The following NPAS3 variants were observed in gnomAD, a reference collection of about 807,000 sequenced individuals.
NPAS3 encodes the protein neuronal PAS domain-containing protein 3.
Under a neutral mutation model 73.1 loss-of-function variants are expected in NPAS3, and 14 were observed. The ratio of observed to expected loss-of-function variants is 0.19; its 90% confidence interval spans 0.13 to 0.30. The LOEUF is 0.30. Among genes scored for constraint, NPAS3 ranks in the 10% least tolerant of loss-of-function variants. NPAS3 has a pLI of 1.00. For synonymous variants in NPAS3, 620 were observed against 541.5 expected (o/e 1.14, Z -2.01); for missense variants, 1,096 against 1,250.0 (o/e 0.88, Z 1.86).
chr14:32,953,305 C>A (rs561248203), intron 1 of NPAS3, among the ~76,000 whole-genome samples: 1 of 152,064 alleles, frequency 6.6e-6, no homozygotes, highest in Non-Finnish European at 1.5e-5. Context: ...ACCCTTTCCC[C>A]CTCCTGCAAC....
intron 9 of NPAS3, among the ~76,000 whole-genome samples, chr14:33,790,594 A>G (rs756313600): frequency 4.6e-5 from 7 of 151,818 alleles, no homozygotes; most frequent in Non-Finnish European, 8.8e-5. Flanking sequence ...TCCCAAAGTC[A>G]TAAATTTACA....
In NPAS3 at chr14:33,566,457, A is replaced by G. The variant is rs186623399; in HGVS notation, c.558+6247A>G. Among the ~76,000 whole-genome samples the G allele has an allele frequency of 3.1e-4, 47 of 151,266 alleles. 1 individual carries two copies. The highest frequency in any genetic ancestry group is 3.1e-3 in the Admixed American group (47 of 15,170). On this transcript the variant is annotated intron_variant, in intron 5 of 11. Transcript: ENST00000356141. ...CTCGTTCTTCCCCCCTTTTCCTTCC[A>G]CCCCACCCTTCCAAATAGGCAAACA...
chr14:33,552,841 A>AAGAACTCT (rs1238918665), intron 4 of NPAS3, among the ~76,000 whole-genome samples: 1 of 152,182 alleles, frequency 6.6e-6, no homozygotes, highest in Admixed American at 6.5e-5. Context: ...TACCTTGAAA[A>AAGAACTCT]AGAACTCTGA....
At chr14:33,388,793 G>A (rs762118405) in intron 4 of NPAS3, among the ~76,000 whole-genome samples, 1 of 152,150 alleles carries the variant, frequency 6.6e-6, no homozygotes, top group Non-Finnish European at 1.5e-5. Context: ...CTAGCAATCT[G>A]TTCCCGATAC....
chr14:33,581,590 A>C (rs1000821414), intron 5 of NPAS3, among the ~76,000 whole-genome samples: 2 of 151,266 alleles, frequency 1.3e-5, no homozygotes, highest in Non-Finnish European at 2.9e-5. Flanking sequence ...TGTCTTTTTG[A>C]AACAGTGTCT....
At chr14:33,138,606 T>A (rs1233214516) in intron 2 of NPAS3, among the ~76,000 whole-genome samples, 5 of 152,176 alleles carry the variant, frequency 3.3e-5, no homozygotes, top group Non-Finnish European at 5.9e-5. Context: ...CATCTATGTG[T>A]TTATGTATAA....
intron 2 of NPAS3, among the ~76,000 whole-genome samples, chr14:33,156,221 G>T (rs959658945): frequency 5.3e-5 from 8 of 152,112 alleles, no homozygotes; most frequent in African/African-American, 1.9e-4. Context: ...GCAGGGATTG[G>T]CATTTGTGCA....
chr14:33,684,406 G>A (rs1316847832), intron 6 of NPAS3, among the ~76,000 whole-genome samples: 1 of 151,908 alleles, frequency 6.6e-6, no homozygotes, highest in Non-Finnish European at 1.5e-5. Context: ...CCATCTCTCG[G>A]GCTCAAGTGA....
chr14:33,740,962 T>C (rs2061641220), intron 7 of NPAS3, among the ~76,000 whole-genome samples: 1 of 152,206 alleles, frequency 6.6e-6, no homozygotes, highest in Non-Finnish European at 1.5e-5. Flanking sequence ...CATATTATAA[T>C]AAGAATGCTG....
intron 4 of NPAS3, among the ~76,000 whole-genome samples, chr14:33,513,720 C>G (rs2053167379): frequency 6.6e-6 from 1 of 152,126 alleles, no homozygotes; most frequent in African/African-American, 2.4e-5. Context: ...AATACAAATT[C>G]AAGCTGAATG....
rs115231558 is a variant in NPAS3, at chr14:33,719,092, C to T, written c.734-16122C>T. Among the ~76,000 whole-genome samples, 991 of 152,258 alleles carry T rather than the reference C, an allele frequency of 6.5e-3. 9 individuals are homozygous for T. The highest frequency in any genetic ancestry group is 0.022 in the African/African-American group (909 of 41,548). On this transcript the variant is annotated intron_variant, in intron 6 of 11. Coordinates refer to ENST00000356141, the Ensembl canonical transcript of NPAS3. ...GCAGTGAGCCGTGTTCACACCACTACACTACAACCTTGGTGACAGAGCGAG... is the reference window on the plus strand; with the variant it reads ...GCAGTGAGCCGTGTTCACACCACTATACTACAACCTTGGTGACAGAGCGAG...
At chr14:33,211,715 A>G (rs1240538598) in intron 2 of NPAS3, among the ~76,000 whole-genome samples, 1 of 152,164 alleles carries the variant, frequency 6.6e-6, no homozygotes, top group East Asian at 1.9e-4. Context: ...ATACATACAT[A>G]TATGTGTGTG....
At chr14:33,784,009 G>A (rs2063064499) in intron 9 of NPAS3, among the ~76,000 whole-genome samples, 1 of 152,146 alleles carries the variant, frequency 6.6e-6, no homozygotes, top group African/African-American at 2.4e-5. Context: ...ATAACTCTCA[G>A]GGTACTCGAT....
chr14:33,789,582 A>AATTTTTTT (rs1566544083), intron 9 of NPAS3, among the ~76,000 whole-genome samples: 1 of 89,214 alleles, frequency 1.1e-5, no homozygotes, highest in Non-Finnish European at 2.2e-5. Context: ...CTAGAGTACA[A>AATTTTTTT]CTTTTTTTTT....
At chr14:33,437,596 G>C (rs2049043931) in intron 4 of NPAS3, among the ~76,000 whole-genome samples, 1 of 151,302 alleles carries the variant, frequency 6.6e-6, no homozygotes. Flanking sequence ...GGAATAAATA[G>C]CCCTTCCTTT....
chr14:33,241,275 T>C (rs1358665190), intron 3 of NPAS3, among the ~76,000 whole-genome samples: 2 of 151,964 alleles, frequency 1.3e-5, no homozygotes, highest in East Asian at 3.8e-4. Context: ...CAAAAAGCTT[T>C]TGTAAATGTA....
intron 4 of NPAS3, among the ~76,000 whole-genome samples, chr14:33,548,395 ATTAGAATTATAC>A (rs2054946918): frequency 6.6e-6 from 1 of 152,238 alleles, no homozygotes; most frequent in Admixed American, 6.5e-5. Context: ...CATTGTGCAC[ATTAGAATTATAC>A]TGAGATTATC....
At chr14:33,089,038 C>CAAAGATCAAAGGTAGATACAACCACA (rs57623601) in intron 2 of NPAS3, among the ~76,000 whole-genome samples, 1 of 144,654 alleles carries the variant, frequency 6.9e-6, no homozygotes. Context: ...TCACCATCAT[C>CAAAGATCAAAGGTAGATACAACCACA]AAGATGAGGA....
intron 1 of NPAS3, among the ~76,000 whole-genome samples, chr14:32,986,283 T>G (rs2139434929): frequency 1.3e-5 from 2 of 152,366 alleles, no homozygotes; most frequent in African/African-American, 4.8e-5. Flanking sequence ...AATGTTCTCA[T>G]GTCATTCATT....
Sources: gnomAD v4.1 joint callset for allele counts (sites outside exome capture counted in the v4.1 genomes callset) on GRCh38, gnomAD v4.1.1 for gene constraint, MANE v1.5 for transcripts, NCBI Gene and HGNC (gene_info 2026-07-23, HGNC 2026-07-21) for gene names.